The following NDUFAF7 variants were observed in gnomAD, a reference collection of about 807,000 sequenced individuals.
NDUFAF7 encodes the protein protein arginine methyltransferase NDUFAF7, mitochondrial.
In NDUFAF7, 48 loss-of-function variants were observed where a neutral mutation model predicts 47.2. The ratio of observed to expected loss-of-function variants is 1.02; its 90% CI spans 0.81 to 1.29. The LOEUF (loss-of-function observed/expected upper bound fraction) is 1.29, where lower values mean the gene tolerates loss of function less well. NDUFAF7 is among the 50% of genes most tolerant of loss of function. NDUFAF7 has a pLI of 0.00. For missense variants in NDUFAF7, 635 were observed against 537.6 expected (o/e 1.18, Z -1.79); for synonymous variants, 217 against 190.0 (o/e 1.14, Z -1.17).
chr2:37,233,512 C>A (rs1282698916), intron 2 of NDUFAF7, among the ~76,000 whole-genome samples: 1 of 151,908 alleles, frequency 6.6e-6, no homozygotes, highest in South Asian at 2.1e-4. Context: ...CCTGTAATCC[C>A]AGCTAGTCAG....
At chr2:37,257,042 T>C, downstream of NDUFAF7, 2 of 1,144,648 alleles carry the variant, frequency 1.7e-6, no homozygotes, top group Admixed American at 2.2e-5. Flanking sequence ...GCTCTACTGA[T>C]TATGAATATT....
At chr2:37,261,268 T>TTTGA in the NDUFAF7 span, among the ~76,000 whole-genome samples, 1 of 147,502 alleles carries the variant, frequency 6.8e-6, no homozygotes, top group East Asian at 2.1e-4. Context: ...AGGTGGATCA[T>TTTGA]TTGAGGTCAG....
the NDUFAF7 span, among the ~76,000 whole-genome samples, chr2:37,260,978 T>C: frequency 2.6e-5 from 4 of 152,254 alleles, no homozygotes. Flanking sequence ...AAGCAATTTA[T>C]CTTTTGTTCT....
the NDUFAF7 span, among the ~76,000 whole-genome samples, chr2:37,259,402 A>G: frequency 2.6e-5 from 4 of 152,394 alleles, no homozygotes; most frequent in South Asian, 2.1e-4. Flanking sequence ...TATAAACAGT[A>G]TAACTAATAA....
chr2:37,245,365 G>A (rs545843135), intron 7 of NDUFAF7, among the ~76,000 whole-genome samples: 61 of 152,344 alleles, frequency 4.0e-4, no homozygotes, highest in African/African-American at 1.4e-3. Context: ...TCAGGAAGTA[G>A]TGAAATTTCA....
downstream of NDUFAF7, chr2:37,253,371 A>G (rs1667666167): frequency 6.3e-7 from 1 of 1,580,838 alleles, no homozygotes; most frequent in East Asian, 2.3e-5. Context: ...ATGAAATTGT[A>G]ATGATGAAAC....
At chr2:37,264,724 C>G in the NDUFAF7 span, among the ~76,000 whole-genome samples, 10 of 151,772 alleles carry the variant, frequency 6.6e-5, no homozygotes, top group African/African-American at 2.4e-4. Context: ...GCAAGAAAGT[C>G]AACATGGCTA....
chr2:37,253,109 G>T, downstream of NDUFAF7: 1 of 1,456,838 alleles, frequency 6.9e-7, no homozygotes, highest in Non-Finnish European at 9.3e-7. Context: ...AATCTACAAA[G>T]AACAAGTTAC....
intron 4 of NDUFAF7, among the ~76,000 whole-genome samples, chr2:37,239,731 T>G (rs1027091923): frequency 1.7e-5 from 2 of 117,980 alleles, no homozygotes; most frequent in African/African-American, 5.6e-5. Flanking sequence ...TGTGTGAAAG[T>G]AGCAGTTTGC....
the NDUFAF7 span, chr2:37,260,421 C>G: frequency 6.4e-7 from 1 of 1,555,848 alleles, no homozygotes; most frequent in South Asian, 1.1e-5. Context: ...GCAACTTAAG[C>G]AGAGAAACAG....
chr2:37,264,898 G>A, the NDUFAF7 span, among the ~76,000 whole-genome samples: 1 of 152,168 alleles, frequency 6.6e-6, no homozygotes, highest in African/African-American at 2.4e-5. Flanking sequence ...GTCACCAAGA[G>A]CTCAAGAGAT....
intron 4 of NDUFAF7, among the ~76,000 whole-genome samples, chr2:37,238,166 A>C (rs7560904): frequency 6.6e-6 from 1 of 151,900 alleles, no homozygotes; most frequent in East Asian, 1.9e-4. Context: ...TAGGCCAGGC[A>C]TGGTGGCTCA....
In NDUFAF7 at chr2:37,243,976, A is replaced by T; in HGVS notation, c.792+3A>T. ...CCCCAGCAGAAGCCTTCATACAAGT[A>T]AGAATATGCTTTTTTAAGTTTCTTT... On this transcript the variant is annotated splice_donor_region_variant and intron_variant, in intron 7 of 9. Transcript: ENST00000002125. The T allele has an allele frequency of 6.3e-7, 1 of 1,598,662 alleles. No homozygotes were observed. The highest frequency in any genetic ancestry group is 2.2e-5 in the East Asian group (1 of 44,788).
chr2:37,250,315 T>C (rs1451751322), downstream of NDUFAF7, among the ~76,000 whole-genome samples: 1 of 152,144 alleles, frequency 6.6e-6, no homozygotes, highest in African/African-American at 2.4e-5. Context: ...CTCTCAGATA[T>C]GTTAAAGTTT....
intron 4 of NDUFAF7, among the ~76,000 whole-genome samples, chr2:37,238,824 G>A (rs955444032): frequency 6.9e-6 from 1 of 144,454 alleles, no homozygotes; most frequent in Non-Finnish European, 1.5e-5. Context: ...TCAGTAAGAA[G>A]ACAGATAACT....
intron 3 of NDUFAF7, 59 bp downstream of exon 3, chr2:37,236,235 T>C (rs924783794): frequency 7.2e-7 from 1 of 1,394,360 alleles, no homozygotes; most frequent in Admixed American, 1.7e-5. Flanking sequence ...GCAGATCAAA[T>C]TGTATTATTC....
downstream of NDUFAF7, among the ~76,000 whole-genome samples, chr2:37,254,763 C>T (rs1037515633): frequency 1.3e-5 from 2 of 152,200 alleles, no homozygotes; most frequent in African/African-American, 4.8e-5. Context: ...AGAGAGCACT[C>T]TAGTCCCTGA....
At chr2:37,232,674 C>T (rs998270095) in intron 2 of NDUFAF7, among the ~76,000 whole-genome samples, 1 of 152,104 alleles carries the variant, frequency 6.6e-6, no homozygotes, top group African/African-American at 2.4e-5. Flanking sequence ...CAACAGGCAG[C>T]TGGAAATAGG....
chr2:37,267,346 T>TAAAA, the NDUFAF7 span: 30 of 784,372 alleles, frequency 3.8e-5, no homozygotes, highest in Non-Finnish European at 4.9e-5. Flanking sequence ...TTTGCCTTCT[T>TAAAA]AAAAAAAAAA....
Sources: allele counts gnomAD v4.1 joint callset (sites outside exome capture counted in the v4.1 genomes callset), GRCh38; gene constraint gnomAD v4.1.1; transcripts MANE v1.5; gene names NCBI Gene and HGNC (gene_info 2026-07-23, HGNC 2026-07-21).